LRBA: variants seen among roughly 807,000 people sequenced by gnomAD.
LRBA encodes the protein LPS responsive beige-like anchor protein.
Under a neutral mutation model 330.0 loss-of-function variants are expected in LRBA, and 176 were observed. The observed-to-expected ratio is 0.53, with a 90% CI of 0.47 to 0.60. LRBA has a LOEUF of 0.60. Ranked by LOEUF, LRBA falls within the 20% of genes least tolerant of loss-of-function variation. LRBA has a pLI of 0.00. For missense variants in LRBA, 3,259 were observed against 3,444.8 expected (o/e 0.95, Z 1.35); for synonymous variants, 1,230 against 1,193.0 (o/e 1.03, Z -0.64).
intron 47 of LRBA, among the ~76,000 whole-genome samples, chr4:150,402,316 TACAA>T (rs1745600847): frequency 6.7e-6 from 1 of 150,234 alleles, no homozygotes; most frequent in Non-Finnish European, 1.5e-5. Context: ...AGCATATTGC[TACAA>T]ACATTTTATT....
intron 17 of LRBA, among the ~76,000 whole-genome samples, chr4:150,877,877 T>G (rs1188879577): frequency 6.6e-6 from 1 of 152,164 alleles, no homozygotes; most frequent in Non-Finnish European, 1.5e-5. Flanking sequence ...ACCAAGATGA[T>G]CTCTCAAAAC....
At chr4:150,712,880 A>G (rs1248646794) in intron 36 of LRBA, among the ~76,000 whole-genome samples, 1 of 152,160 alleles carries the variant, frequency 6.6e-6, no homozygotes, top group African/African-American at 2.4e-5. Flanking sequence ...GAAACACAAA[A>G]ACACACAGAA....
intron 36 of LRBA, among the ~76,000 whole-genome samples, chr4:150,705,453 C>T (rs1188608173): frequency 1.3e-5 from 2 of 151,696 alleles, no homozygotes; most frequent in Non-Finnish European, 2.9e-5. Context: ...TGTCTCTGGG[C>T]ATGAAAAAAG....
chr4:150,328,039 CAA>C (rs1305659885), intron 48 of LRBA, among the ~76,000 whole-genome samples: 1 of 151,948 alleles, frequency 6.6e-6, no homozygotes, highest in Non-Finnish European at 1.5e-5. Flanking sequence ...GTAATAGTAA[CAA>C]AGAGATGAAT....
chr4:150,692,911 T>A (rs2126959576), intron 36 of LRBA, among the ~76,000 whole-genome samples: 1 of 152,314 alleles, frequency 6.6e-6, no homozygotes, highest in South Asian at 2.1e-4. Flanking sequence ...GAACATTTTG[T>A]AATCAAGTAA....
intron 46 of LRBA, among the ~76,000 whole-genome samples, chr4:150,425,495 G>A (rs769240935): frequency 6.6e-6 from 1 of 152,192 alleles, no homozygotes; most frequent in Non-Finnish European, 1.5e-5. Flanking sequence ...TTACACCACA[G>A]TTCAGGATAA....
At chr4:150,302,843 T>C (rs1198325594) in intron 52 of LRBA, 51 bp from the exon 53 acceptor site, 15 of 1,360,050 alleles carry the variant, frequency 1.1e-5, no homozygotes, top group Non-Finnish European at 1.3e-5. Flanking sequence ...AAATAAAAAT[T>C]CTAGTGAACA....
intron 40 of LRBA, among the ~76,000 whole-genome samples, chr4:150,542,477 C>A (rs913628643): frequency 1.3e-5 from 2 of 152,100 alleles, no homozygotes; most frequent in African/African-American, 4.8e-5. Flanking sequence ...TTACCATATA[C>A]CAGACATTGT....
chr4:150,737,746 A>C (rs1454667823), intron 35 of LRBA, among the ~76,000 whole-genome samples: 1 of 152,110 alleles, frequency 6.6e-6, no homozygotes, highest in African/African-American at 2.4e-5. Flanking sequence ...CAACCAAGGA[A>C]GATTGACTAT....
At chr4:150,428,229 T>A (rs1368385195) in intron 46 of LRBA, among the ~76,000 whole-genome samples, 1 of 152,060 alleles carries the variant, frequency 6.6e-6, no homozygotes, top group Non-Finnish European at 1.5e-5. Flanking sequence ...AGAATATACT[T>A]TACTGACCCT....
At chr4:150,983,603 C>A (rs1422499176) in intron 2 of LRBA, among the ~76,000 whole-genome samples, 1 of 151,902 alleles carries the variant, frequency 6.6e-6, no homozygotes, top group Non-Finnish European at 1.5e-5. Flanking sequence ...CAGGTGCCCG[C>A]CACCATACCT....
Position 150,921,234 on chromosome 4 carries a change from A to G in LRBA, c.609T>C (p.Pro203=). The G allele has an allele frequency of 1.2e-6, 2 of 1,613,404 alleles. No homozygotes were observed. The highest frequency in any genetic ancestry group is 1.7e-6 in the Non-Finnish European group (2 of 1,179,348). ...TTCCTGGAAAGTTAAAAAAGGCATC[A>G]GGACCATACTTCTGAGGCATATGCT... ...VLKHMPQKYG[P]DAFFNFPGKS... is the part of the protein sequence containing the mutation. The change falls in exon 5 of 57, where the codon CCT becomes CCC. Residue 203 remains proline (P), a synonymous_variant. Transcript: ENST00000651943.
intron 2 of LRBA, among the ~76,000 whole-genome samples, chr4:150,964,823 T>C (rs1203247260): frequency 6.6e-6 from 1 of 151,808 alleles, no homozygotes; most frequent in Non-Finnish European, 1.5e-5. Context: ...GATCAATAAA[T>C]ACTAAAATAA....
chr4:150,723,673 A>G (rs1729251957), intron 36 of LRBA, among the ~76,000 whole-genome samples: 1 of 152,216 alleles, frequency 6.6e-6, no homozygotes, highest in African/African-American at 2.4e-5. Flanking sequence ...GTTTCAGAAA[A>G]GCAGAGGGAA....
At chr4:150,490,106 T>C (rs982997419) in intron 41 of LRBA, among the ~76,000 whole-genome samples, 7 of 151,662 alleles carry the variant, frequency 4.6e-5, no homozygotes, top group Non-Finnish European at 8.9e-5. Flanking sequence ...AGAAGAGGTA[T>C]GTGCCAGGAG....
chr4:150,706,274 C>T (rs1212289332), intron 36 of LRBA, among the ~76,000 whole-genome samples: 1 of 151,796 alleles, frequency 6.6e-6, no homozygotes, highest in East Asian at 1.9e-4. Flanking sequence ...AAATCACACA[C>T]AGACTAATGG....
chr4:150,579,776 A>G (rs777746001), intron 40 of LRBA: 7 of 453,876 alleles, frequency 1.5e-5, no homozygotes, highest in Non-Finnish European at 2.7e-5. Context: ...CGGCGGAGCC[A>G]TGCGAACCAA....
At chr4:150,506,624 C>T (rs1465114013) in intron 40 of LRBA, among the ~76,000 whole-genome samples, 1 of 152,182 alleles carries the variant, frequency 6.6e-6, no homozygotes, top group Non-Finnish European at 1.5e-5. Flanking sequence ...CAATATCATA[C>T]TGAATGGACA....
intron 40 of LRBA, among the ~76,000 whole-genome samples, chr4:150,543,246 A>G (rs1000643830): frequency 6.6e-6 from 1 of 152,194 alleles, no homozygotes; most frequent in African/African-American, 2.4e-5. Context: ...ATCTCTGTAT[A>G]CACATTGAAC....
Sources: gnomAD v4.1 joint callset for allele counts (sites outside exome capture counted in the v4.1 genomes callset) on GRCh38, gnomAD v4.1.1 for gene constraint, MANE v1.5 for transcripts, NCBI Gene and HGNC (gene_info 2026-07-23, HGNC 2026-07-21) for gene names.